Variants in CCDC6 observed in about 807,000 individuals in gnomAD.
CCDC6 encodes the protein coiled-coil domain-containing protein 6.
A neutral mutation model predicts 56.6 loss-of-function variants in CCDC6; 20 were observed. That is an observed-to-expected ratio of 0.35 (90% CI 0.25 to 0.51). The LOEUF is 0.51. CCDC6 is among the 20% of genes least tolerant of loss of function. The probability of loss-of-function intolerance (pLI) is 0.95; values close to 1 mark genes in which losing one functional copy is unlikely to be tolerated. For synonymous variants in CCDC6, 241 were observed against 234.4 expected (o/e 1.03, Z -0.26); for missense variants, 367 against 601.1 (o/e 0.61, Z 4.07).
At chr10:59,901,161 G>C (rs1757475030) in intron 1 of CCDC6, among the ~76,000 whole-genome samples, 2 of 152,172 alleles carry the variant, frequency 1.3e-5, no homozygotes, top group Non-Finnish European at 2.9e-5. Flanking sequence ...TGAAGAAATA[G>C]GAGAATGGCC....
At position 59,906,370 on chromosome 10, in the gene CCDC6, T is replaced by G; in HGVS notation, c.55A>C (p.Ser19Arg). 6.3e-7 allele frequency: 1 copy of G among 1,593,036 alleles called. No homozygotes were observed. ...CAGGACGACTGCATGGCGGCCGAGCTGCTGCTGTTGCCCCCCGCCCCGTCC... is the reference window on the plus strand; with the variant it reads ...CAGGACGACTGCATGGCGGCCGAGCGGCTGCTGTTGCCCCCCGCCCCGTCC... ...DTDGAGGNSS[S>R]SAAMQSSCSS... Residue 19 changes from serine (S) to arginine (R), a missense_variant, in exon 1 of 9, where the codon AGC becomes CGC. Coordinates refer to ENST00000263102, the MANE Select transcript of CCDC6 (RefSeq NM_005436.5).
chr10:59,906,071 C>T, intron 1 of CCDC6, 51 bp downstream of exon 1: 1 of 1,502,510 alleles, frequency 6.7e-7, no homozygotes, highest in Non-Finnish European at 9.0e-7. Context: ...TGCAGCCCCT[C>T]CCGGGGCGGG....
intron 3 of CCDC6, among the ~76,000 whole-genome samples, chr10:59,830,393 GA>G (rs1335096215): frequency 3.3e-5 from 5 of 152,082 alleles, no homozygotes; most frequent in African/African-American, 1.2e-4. Context: ...CTATTAGAGG[GA>G]AAAACCAAAC....
intron 1 of CCDC6, among the ~76,000 whole-genome samples, chr10:59,862,516 T>TATATATATATATATATACACACAC (rs1554886091): frequency 1.1e-4 from 11 of 97,164 alleles, no homozygotes; most frequent in Non-Finnish European, 1.9e-4. Context: ...TATATATATA[T>TATATATATATATATATACACACAC]ACACACACAC....
chr10:59,885,924 C>CCA (rs1217992240), intron 1 of CCDC6, among the ~76,000 whole-genome samples: 2 of 127,758 alleles, frequency 1.6e-5, no homozygotes, highest in African/African-American at 6.4e-5. Flanking sequence ...CGCCCCCCGC[C>CCA]CCCCCAACTA....
chr10:59,887,196 C>T (rs1181224226), intron 1 of CCDC6, among the ~76,000 whole-genome samples: 2 of 152,148 alleles, frequency 1.3e-5, no homozygotes, highest in Non-Finnish European at 2.9e-5. Context: ...CTACTCTCTG[C>T]GGTATGACTT....
chr10:59,862,442 C>CATG (rs2071137635), intron 1 of CCDC6, among the ~76,000 whole-genome samples: 1 of 149,466 alleles, frequency 6.7e-6, no homozygotes, highest in African/African-American at 2.5e-5. Flanking sequence ...GAGCTGAGAT[C>CATG]ATGCCCCTGC....
At chr10:59,886,421 T>G (rs1349087538) in intron 1 of CCDC6, among the ~76,000 whole-genome samples, 5 of 152,218 alleles carry the variant, frequency 3.3e-5, no homozygotes, top group Non-Finnish European at 7.3e-5. Flanking sequence ...AGGAGATGTA[T>G]CTAATGTGCA....
intron 2 of CCDC6, among the ~76,000 whole-genome samples, chr10:59,848,325 G>A (rs1005585676): frequency 3.9e-5 from 6 of 152,128 alleles, no homozygotes; most frequent in African/African-American, 1.4e-4. Context: ...TGATGTTTTC[G>A]TGACCAGAAA....
At chr10:59,886,056 C>T (rs998520005) in intron 1 of CCDC6, among the ~76,000 whole-genome samples, 6 of 151,830 alleles carry the variant, frequency 4.0e-5, no homozygotes, top group Non-Finnish European at 8.8e-5. Context: ...GTAATATATA[C>T]GTTATTTGTA....
chr10:59,841,962 G>A (rs981384272), intron 2 of CCDC6, among the ~76,000 whole-genome samples: 1 of 151,842 alleles, frequency 6.6e-6, no homozygotes, highest in African/African-American at 2.4e-5. Context: ...CACCGCGCCC[G>A]ACCCCATGTC....
chr10:59,799,448 A>G (rs577283891), intron 7 of CCDC6, among the ~76,000 whole-genome samples: 5 of 152,158 alleles, frequency 3.3e-5, no homozygotes, highest in Admixed American at 6.6e-5. Context: ...CTCCTTCTCT[A>G]GCTGTTACCA....
intron 3 of CCDC6, among the ~76,000 whole-genome samples, chr10:59,816,198 G>C (rs1652635430): frequency 6.6e-6 from 1 of 152,102 alleles, no homozygotes; most frequent in African/African-American, 2.4e-5. Flanking sequence ...AGCTGCCTCA[G>C]AACCTGAACA....
At chr10:59,900,915 G>A (rs1011258672) in intron 1 of CCDC6, among the ~76,000 whole-genome samples, 3 of 152,094 alleles carry the variant, frequency 2.0e-5, no homozygotes, top group East Asian at 3.9e-4. Context: ...AAAACTAGGT[G>A]GGCATGGTGG....
chr10:59,887,329 G>C (rs1474827182), intron 1 of CCDC6, among the ~76,000 whole-genome samples: 1 of 152,112 alleles, frequency 6.6e-6, no homozygotes. Context: ...TGGTTGAAGA[G>C]AGTGGCTAGG....
rs964921124 is a variant in CCDC6 at position 59,860,932 on chromosome 10, T to C, written c.304-8230A>G. 2.6e-5 allele frequency among the ~76,000 whole-genome samples: 4 copies of C among 152,018 alleles called. No individual in the cohort carries two copies. In the East Asian group the frequency reaches 5.8e-4, roughly 22 times the overall value. Reference sequence around the variant, plus strand: ...GGGTATGGCTGGGCACGGTGACTCATGTCTGTAATCTCAGCACTTTGGGAG... The same window carrying C: ...GGGTATGGCTGGGCACGGTGACTCACGTCTGTAATCTCAGCACTTTGGGAG... On this transcript the variant is annotated intron_variant, in intron 1 of 8. Coordinates refer to ENST00000263102, the MANE Select transcript of CCDC6 (RefSeq NM_005436.5).
chr10:59,790,903 G>A lies in CCDC6; in HGVS notation c.*2014C>T, dbSNP rs113884000. 9.5e-4 allele frequency: 197 copies of A among 206,354 alleles called. 2 individuals carry two copies. Among genetic ancestry groups the A allele is most frequent in the African/African-American group, 4.3e-3 (187 of 43,896 alleles). 12.8% of individuals were successfully genotyped at this position (206,354 alleles called of 1,614,324 possible). A position where few individuals can be genotyped will look rare whatever the true frequency, so the allele number is the denominator to read the frequency against. ...TTCCATTATGGACTTTCTTGTTTGG[G>A]TGCAAGACACTATCCACAGCATTGA... On this transcript the variant is annotated 3_prime_UTR_variant, in exon 9 of 9. Coordinates refer to ENST00000263102, the MANE Select transcript of CCDC6 (RefSeq NM_005436.5).
At chr10:59,844,440 A>AG (rs201611820) in intron 2 of CCDC6, among the ~76,000 whole-genome samples, 2 of 150,224 alleles carry the variant, frequency 1.3e-5, no homozygotes, top group Admixed American at 1.3e-4. Flanking sequence ...AAAAAAAAAA[A>AG]GCTCCATGGA....
At chr10:59,798,991 CAAAAAAAAAA>C (rs34505959) in intron 7 of CCDC6, among the ~76,000 whole-genome samples, 47 of 76,984 alleles carry the variant, frequency 6.1e-4, no homozygotes, top group Admixed American at 2.9e-3. Context: ...AAGACTGTTT[CAAAAAAAAAA>C]AAAAAAAAAA....
Sources: allele counts gnomAD v4.1 joint callset (sites outside exome capture counted in the v4.1 genomes callset), GRCh38; gene constraint gnomAD v4.1.1; transcripts MANE v1.5; gene names NCBI Gene and HGNC (gene_info 2026-07-23, HGNC 2026-07-21).